The following TANC1 variants were observed in gnomAD, a reference collection of about 807,000 sequenced individuals.
The protein encoded by TANC1 is protein TANC1.
A neutral mutation model predicts 149.7 loss-of-function variants in TANC1; 77 were observed. The ratio of observed to expected loss-of-function variants is 0.51; its 90% CI spans 0.43 to 0.62. TANC1 has a LOEUF of 0.62. Among genes scored for constraint, TANC1 ranks in the 20% least tolerant of loss-of-function variants. TANC1 has a pLI of 0.00. For missense variants in TANC1, 1,985 were observed against 2,321.8 expected (o/e 0.85, Z 2.98); for synonymous variants, 854 against 925.0 (o/e 0.92, Z 1.39).
rs573688021 is a variant in TANC1, at chr2:159,229,781, A to C, written c.4355A>C (p.Asp1452Ala). 223 of 1,613,876 alleles carry C rather than the reference A, an allele frequency of 1.4e-4. No individual in the cohort carries two copies. In the South Asian group the frequency reaches 1.6e-3, roughly 12 times the overall value. ...GACACCCCAACCCCTGGCTTAAGTG[A>C]CCACTTTCACTCTGAGGAGACTGAA... ...EEDTPTPGLS[D>A]HFHSEETEEE... is the part of the protein sequence containing the mutation. The change falls in exon 27 of 27, where the codon GAC becomes GCC. Residue 1452 changes from aspartate (D) to alanine (A), a missense_variant. Physicochemically the swap from Asp to Ala is moderately radical, Grantham distance 126. Around this residue, in one of 3 missense-constraint regions of TANC1, gnomAD observed 920 missense variants for 994.7 expected, o/e 0.92. Coordinates refer to ENST00000263635, the MANE Select transcript of TANC1 (RefSeq NM_033394.3).
chr2:159,068,423 T>G (rs577528791), intron 3 of TANC1, among the ~76,000 whole-genome samples: 115 of 152,200 alleles, frequency 7.6e-4, no homozygotes, highest in Non-Finnish European at 1.3e-3. Flanking sequence ...TCATAGAAAT[T>G]TAGGAGACAT....
At chr2:159,169,486 G>GT in intron 9 of TANC1, 114 bp downstream of exon 9, 1 of 1,128,542 alleles carries the variant, frequency 8.9e-7, no homozygotes, top group Non-Finnish European at 1.3e-6. Context: ...GATGGAAAGT[G>GT]TGTTTGTGCT....
rs1313030056 is a variant in TANC1 at position 159,102,735 on chromosome 2, T to TTTTTTC, written c.259+4902_259+4903insTTTTCT. ...TGCTTTTTTTTTTTTTTTTTTTTTT[T>TTTTTTC]TGAGATGGAGTCTCGCTCTATTGCC... On this transcript the variant is annotated intron_variant, in intron 4 of 26. Coordinates refer to ENST00000263635, the MANE Select transcript of TANC1 (RefSeq NM_033394.3). Among the ~76,000 whole-genome samples, 5 of 51,086 alleles carry TTTTTTC rather than the reference T, an allele frequency of 9.8e-5. 1 individual carries two copies. The highest frequency in any genetic ancestry group is 2.7e-4 in the Non-Finnish European group (5 of 18,830). 33.5% of individuals were successfully genotyped at this position (51,086 alleles called of 152,430 possible).
intron 2 of TANC1, among the ~76,000 whole-genome samples, chr2:159,022,011 A>G (rs894953196): frequency 7.9e-5 from 12 of 152,230 alleles, no homozygotes; most frequent in African/African-American, 1.9e-4. Flanking sequence ...GGAGAGATCA[A>G]TGTCTTTTTC....
At chr2:159,143,472 T>C (rs532739559) in intron 5 of TANC1, among the ~76,000 whole-genome samples, 1 of 138,114 alleles carries the variant, frequency 7.2e-6, no homozygotes, top group East Asian at 2.3e-4. Flanking sequence ...TTTCCAGCAC[T>C]TGGGGAGGCT....
Position 159,170,535 on chromosome 2 carries a change from C to G in TANC1, c.1081C>G (p.Pro361Ala). The change falls in exon 10 of 27, where the codon CCC becomes GCC. Residue 361 changes from proline (P) to alanine (A), a missense_variant. Physicochemically the swap from Pro to Ala is conservative, Grantham distance 27. Around this residue, in one of 3 missense-constraint regions of TANC1, gnomAD observed 557 missense variants for 612.9 expected, o/e 0.91. Transcript: ENST00000263635. ...RAQEVKARFA[P>A]YKPQDILLKP... is the part of the protein sequence containing the mutation. ...TTCTTCTTTTGAAGCACGATTTGCT[C>G]CCTACAAGCCACAAGACATTTTGTT... 1 of 1,594,202 alleles carries G rather than the reference C, an allele frequency of 6.3e-7. No individual in the cohort carries two copies. The highest frequency in any genetic ancestry group is 8.6e-7 in the Non-Finnish European group (1 of 1,166,860).
chr2:159,199,336 T>G (rs566831503), intron 19 of TANC1, among the ~76,000 whole-genome samples: 9 of 152,158 alleles, frequency 5.9e-5, no homozygotes, highest in Non-Finnish European at 1.2e-4. Context: ...CTAACTAAGG[T>G]GTTGTTTTCT....
intron 4 of TANC1, among the ~76,000 whole-genome samples, chr2:159,134,394 T>G (rs2050432873): frequency 6.6e-6 from 1 of 152,196 alleles, no homozygotes; most frequent in African/African-American, 2.4e-5. Context: ...AACCTTTACC[T>G]CCTGGGCTCA....
intron 7 of TANC1, among the ~76,000 whole-genome samples, chr2:159,151,289 A>G (rs2052780403): frequency 6.6e-6 from 1 of 152,252 alleles, no homozygotes; most frequent in Non-Finnish European, 1.5e-5. Context: ...ATGCCATCCC[A>G]GACAGACTGC....
intron 4 of TANC1, among the ~76,000 whole-genome samples, chr2:159,115,754 T>G (rs2048179923): frequency 1.3e-5 from 2 of 152,206 alleles, no homozygotes; most frequent in Non-Finnish European, 2.9e-5. Context: ...AATATTCTGT[T>G]GTGCCTCATG....
At chr2:159,059,747 C>T (rs1238705379) in intron 2 of TANC1, among the ~76,000 whole-genome samples, 1 of 152,020 alleles carries the variant, frequency 6.6e-6, no homozygotes, top group Non-Finnish European at 1.5e-5. Context: ...ATGTCAAAAA[C>T]TCATCAAGGG....
chr2:159,231,291 T>G lies in TANC1; in HGVS notation c.*279T>G. The G allele has an allele frequency of 3.2e-6, 1 of 311,574 alleles. No individual in the cohort carries two copies. The highest frequency in any genetic ancestry group is 5.9e-6 in the Non-Finnish European group (1 of 169,396). The allele number at this position is 311,574 out of a possible 1,614,324, so 19.3% of individuals were successfully genotyped here. ...ACTCTCACTTATGAAATTGTTTGGC[T>G]TTTGCCACTTTCTTCCTTGCCTTTG... On this transcript the variant is annotated 3_prime_UTR_variant, in exon 27 of 27. Coordinates refer to ENST00000263635, the MANE Select transcript of TANC1 (RefSeq NM_033394.3).
At chr2:159,102,905 A>C (rs2046878976) in intron 4 of TANC1, among the ~76,000 whole-genome samples, 1 of 86,812 alleles carries the variant, frequency 1.2e-5, no homozygotes, top group Non-Finnish European at 3.1e-5. Flanking sequence ...TTTTTAGTAG[A>C]GACAGGGTTT....
chr2:159,181,315 T>TC (rs1336020730), intron 14 of TANC1, among the ~76,000 whole-genome samples: 2 of 151,626 alleles, frequency 1.3e-5, no homozygotes, highest in Non-Finnish European at 2.9e-5. Context: ...TTTTTTTTTT[T>TC]CAGACGGAGT....
At chr2:159,034,123 T>C (rs1013283414) in intron 2 of TANC1, among the ~76,000 whole-genome samples, 1 of 152,234 alleles carries the variant, frequency 6.6e-6, no homozygotes, top group African/African-American at 2.4e-5. Flanking sequence ...TTGCTGCCTC[T>C]TGGCCCTGCC....
intron 20 of TANC1, among the ~76,000 whole-genome samples, chr2:159,218,426 G>T (rs767940068): frequency 2.0e-5 from 3 of 152,132 alleles, no homozygotes; most frequent in African/African-American, 7.2e-5. Flanking sequence ...TGATCATCTG[G>T]CTAATCCTTT....
intron 5 of TANC1, among the ~76,000 whole-genome samples, chr2:159,145,540 CA>C (rs1471788322): frequency 1.6e-4 from 24 of 152,100 alleles, no homozygotes; most frequent in Admixed American, 1.4e-3. Context: ...CCTGGATTCC[CA>C]GACAGTGGCG....
intron 19 of TANC1, among the ~76,000 whole-genome samples, chr2:159,209,566 C>T (rs1446421095): frequency 2.6e-5 from 4 of 152,172 alleles, no homozygotes; most frequent in African/African-American, 9.7e-5. Flanking sequence ...CTCAGTGTGA[C>T]GGCCGAGCTC....
intron 19 of TANC1, among the ~76,000 whole-genome samples, chr2:159,200,456 C>G (rs2058166521): frequency 6.6e-6 from 1 of 152,166 alleles, no homozygotes; most frequent in Non-Finnish European, 1.5e-5. Context: ...GGTCTAGCAG[C>G]CATGACATCA....
Sources: allele counts gnomAD v4.1 joint callset (sites outside exome capture counted in the v4.1 genomes callset), GRCh38; gene constraint gnomAD v4.1.1; regional missense constraint gnomAD v4.1.1; transcripts MANE v1.5; gene names NCBI Gene and HGNC (gene_info 2026-07-23, HGNC 2026-07-21).